BLTP1: variants seen among roughly 807,000 people sequenced by gnomAD.
BLTP1 encodes fragile site-associated protein.
chr4:122,255,302 A>G, the BLTP1 span: 3 of 1,531,372 alleles, frequency 2.0e-6, no homozygotes, highest in African/African-American at 1.4e-5. Context: ...CTGAAACTAC[A>G]TTAGTTTTAA....
chr4:122,162,100 TCTAA>T, the BLTP1 span, among the ~76,000 whole-genome samples: 1 of 152,236 alleles, frequency 6.6e-6, no homozygotes, highest in Non-Finnish European at 1.5e-5. Flanking sequence ...TTATGAATAT[TCTAA>T]CTCTTAAACT....
At chr4:122,171,953 A>G in the BLTP1 span, 9 of 983,634 alleles carry the variant, frequency 9.1e-6, no homozygotes, top group African/African-American at 1.6e-4. Flanking sequence ...GCCTGTTGCC[A>G]TTCTGAAGGA....
the BLTP1 span, chr4:122,184,985 A>G: frequency 1.0e-6 from 1 of 984,264 alleles, no homozygotes; most frequent in Non-Finnish European, 1.2e-6. Context: ...AGAGTATATC[A>G]TATAGTATAG....
the BLTP1 span, chr4:122,262,686 T>A: frequency 6.7e-7 from 1 of 1,482,506 alleles, no homozygotes. Flanking sequence ...ATAGCAACAG[T>A]AATAGTAATA....
the BLTP1 span, chr4:122,264,521 G>T: frequency 2.5e-6 from 3 of 1,217,478 alleles, no homozygotes; most frequent in Non-Finnish European, 3.3e-6. Flanking sequence ...TGGAATTCTA[G>T]TGAGGCTATA....
At chr4:122,167,541 G>A in the BLTP1 span, 1 of 325,206 alleles carries the variant, frequency 3.1e-6, no homozygotes, top group Admixed American at 6.5e-5. Flanking sequence ...CCTTAATCTG[G>A]TTGCTTCTCC....
chr4:122,237,130 C>T, the BLTP1 span: 3 of 984,502 alleles, frequency 3.0e-6, no homozygotes, highest in South Asian at 4.7e-5. Flanking sequence ...ACTCTTACCC[C>T]TTGAATGCCA....
the BLTP1 span, chr4:122,209,920 A>AT: frequency 6.2e-7 from 1 of 1,612,848 alleles, no homozygotes; most frequent in Non-Finnish European, 8.5e-7. Context: ...AGCTGAAACA[A>AT]TCATGTAAGT....
chr4:122,188,946 T>C, the BLTP1 span: 2 of 985,336 alleles, frequency 2.0e-6, no homozygotes, highest in Non-Finnish European at 2.4e-6. Context: ...AGAGGGTTTT[T>C]CCTTTTTGAG....
the BLTP1 span, chr4:122,279,971 C>G: frequency 6.2e-7 from 1 of 1,613,994 alleles, no homozygotes; most frequent in South Asian, 1.1e-5. Context: ...AATCAGACAG[C>G]CTTCTACAGC....
chr4:122,281,218 G>A, the BLTP1 span: 1,561 of 663,810 alleles, frequency 2.4e-3, 2 homozygotes, highest in Non-Finnish European at 2.8e-3. Context: ...ATCAGTAGTA[G>A]CGTGTAATAG....
At chr4:122,301,193 G>A in the BLTP1 span, 1 of 1,264,010 alleles carries the variant, frequency 7.9e-7, no homozygotes, top group South Asian at 1.6e-5. Context: ...CTCTGTATCA[G>A]TGGTCAGTAA....
chr4:122,281,947 C>A, the BLTP1 span: 1 of 983,590 alleles, frequency 1.0e-6, no homozygotes, highest in Non-Finnish European at 1.2e-6. Flanking sequence ...CAATCCCCCA[C>A]CCCAAAACCT....
chr4:122,253,845 A>C, the BLTP1 span, among the ~76,000 whole-genome samples: 6 of 152,186 alleles, frequency 3.9e-5, no homozygotes, highest in Non-Finnish European at 7.4e-5. Flanking sequence ...ACCTCAGGAT[A>C]TTTAATCATT....
At chr4:122,269,092 A>G in the BLTP1 span, 1 of 965,236 alleles carries the variant, frequency 1.0e-6, no homozygotes, top group Non-Finnish European at 1.2e-6. Context: ...CATACTCTCT[A>G]GGGTTAAAAT....
the BLTP1 span, chr4:122,239,365 T>C: frequency 5.5e-6 from 4 of 724,328 alleles, no homozygotes; most frequent in Non-Finnish European, 8.5e-6. Flanking sequence ...ACTGTTTTGC[T>C]ACTTTGGGTA....
the BLTP1 span, among the ~76,000 whole-genome samples, chr4:122,337,677 A>G: frequency 5.9e-5 from 9 of 151,856 alleles, no homozygotes; most frequent in Non-Finnish European, 1.2e-4. Context: ...TCTTGCCATT[A>G]TAGTTCTTTC....
chr4:122,337,399 T>C, the BLTP1 span, among the ~76,000 whole-genome samples: 4 of 152,128 alleles, frequency 2.6e-5, no homozygotes, highest in African/African-American at 9.7e-5. Flanking sequence ...TAATAAAATA[T>C]TGAATATCTC....
At chr4:122,282,846 T>G in the BLTP1 span, among the ~76,000 whole-genome samples, 1 of 152,188 alleles carries the variant, frequency 6.6e-6, no homozygotes, top group East Asian at 1.9e-4. Context: ...TAAGAGCTCC[T>G]TACGAGTTTA....
Sources: gnomAD v4.1 joint callset for allele counts (sites outside exome capture counted in the v4.1 genomes callset) on GRCh38, gnomAD v4.1.1 for gene constraint, MANE v1.5 for transcripts, NCBI Gene and HGNC (gene_info 2026-07-23, HGNC 2026-07-21) for gene names.